The following LIFR variants were observed in gnomAD, a reference collection of about 807,000 sequenced individuals.
LIFR encodes LIF receptor subunit alpha, also known as leukemia inhibitory factor receptor.
A neutral mutation model predicts 122.2 loss-of-function variants in LIFR; 84 were observed. The ratio of observed to expected loss-of-function variants is 0.69; its 90% confidence interval spans 0.58 to 0.82. The LOEUF (loss-of-function observed/expected upper bound fraction) is 0.82, where lower values mean the gene tolerates loss of function less well. LIFR is among the 40% of genes least tolerant of loss of function. LIFR has a pLI of 0.00. For synonymous variants in LIFR, 422 were observed against 434.7 expected, an observed-to-expected ratio of 0.97 and a Z score of 0.36; for missense variants, 1,294 against 1,311.6, an observed-to-expected ratio of 0.99 and a Z score of 0.21.
intron 5 of LIFR, among the ~76,000 whole-genome samples, chr5:38,522,428 T>C (rs1011658395): frequency 6.6e-6 from 1 of 152,230 alleles, no homozygotes; most frequent in Non-Finnish European, 1.5e-5. Flanking sequence ...ATCTTGGTTC[T>C]TCTTTGTAGA....
chr5:38,545,130 C>T lies in LIFR; in HGVS notation c.-20+11204G>A, dbSNP rs541012065. ...ACTAAAAACACACAAATTAGCCGGG[C>T]GTGGTGGCGGACGCCTGTAGTCTCA... On this transcript the variant is annotated intron_variant, in intron 1 of 19. Coordinates refer to ENST00000453190, the MANE Select transcript of LIFR (RefSeq NM_001127671.2). Among the ~76,000 whole-genome samples the T allele has an allele frequency of 4.6e-5, 7 of 152,144 alleles. No homozygotes were observed. In the East Asian group the frequency reaches 7.8e-4, roughly 17 times the overall value.
intron 16 of LIFR, among the ~76,000 whole-genome samples, chr5:38,487,856 C>T (rs774814481): frequency 5.3e-5 from 8 of 152,186 alleles, no homozygotes; most frequent in Non-Finnish European, 1.2e-4. Context: ...GCCTCCAAGG[C>T]CTGGTCTGGC....
In LIFR at chr5:38,490,576, C is replaced by T. The variant is rs112459789; in HGVS notation, c.2066-285G>A. On this transcript the variant is annotated intron_variant, in intron 14 of 19. Coordinates refer to ENST00000453190, the MANE Select transcript of LIFR (RefSeq NM_001127671.2). ...TAAGGCTTACATTTTGTTCCTTTTT[C>T]CAGGAAGAAATCATCATTGCTTGAT... 430 of 183,626 alleles carry T rather than the reference C, an allele frequency of 2.3e-3. 2 individuals carry two copies. The highest frequency in any genetic ancestry group is 9.5e-3 in the African/African-American group (401 of 42,412). The allele number at this position is 183,626 out of a possible 1,614,324, so 11.4% of individuals were successfully genotyped here. A position where few individuals can be genotyped will look rare whatever the true frequency, so the allele number is the denominator to read the frequency against.
chr5:38,553,028 C>G (rs949330968), intron 1 of LIFR, among the ~76,000 whole-genome samples: 6 of 152,188 alleles, frequency 3.9e-5, no homozygotes, highest in Non-Finnish European at 8.8e-5. Context: ...GTAAACATTT[C>G]TTGACATGCA....
intron 9 of LIFR, among the ~76,000 whole-genome samples, chr5:38,504,858 T>C (rs1037416736): frequency 6.6e-6 from 1 of 152,210 alleles, no homozygotes; most frequent in South Asian, 2.1e-4. Flanking sequence ...AAGTGACTTA[T>C]GCTTACAAAT....
intron 1 of LIFR, among the ~76,000 whole-genome samples, chr5:38,554,699 T>A (rs551316372): frequency 6.6e-6 from 1 of 152,152 alleles, no homozygotes; most frequent in Admixed American, 6.5e-5. Context: ...TACATGAGCA[T>A]AGGCTATGTC....
Position 38,489,143 on chromosome 5 carries a change from C to CTT in LIFR, c.2268_2269dup (p.Arg757LysfsTer18). 6.2e-7 allele frequency: 1 copy of CTT among 1,612,888 alleles called. No individual in the cohort carries two copies. The highest frequency in any genetic ancestry group is 8.5e-7 in the Non-Finnish European group (1 of 1,179,082). On this transcript the variant is annotated frameshift_variant, in exon 16 of 20. Coordinates refer to ENST00000453190, the MANE Select transcript of LIFR (RefSeq NM_001127671.2). LOFTEE classifies it high-confidence loss of function. ...TTTTCCAAAGTAAAACAAATATCCT[C>CTT]TTAAAAAGCCTCTAAGTTCTTCCAC...
chr5:38,493,595 A>C lies in LIFR; in HGVS notation c.2065+11T>G. On this transcript the variant is annotated intron_variant, in intron 14 of 19. Transcript: ENST00000453190. ...TGTAGAACTTAATTGAGAGACACTA[A>C]TTCATCTTACCAGATTCTATTACAG... 6.2e-7 allele frequency: 1 copy of C among 1,611,810 alleles called. No individual in the cohort carries two copies. Among genetic ancestry groups the C allele is most frequent in the Non-Finnish European group, 8.5e-7 (1 of 1,177,862 alleles).
chr5:38,556,718 G>GC (rs1748586738), upstream of LIFR: 1 of 120,830 alleles, frequency 8.3e-6, no homozygotes, highest in Non-Finnish European at 1.8e-5. Flanking sequence ...CCCCTGACCC[G>GC]CCCCTGCCCC....
Position 38,578,308 on chromosome 5 carries a change from G to A in LIFR, c.-20+16953C>T, listed in dbSNP as rs143183585. ...CGCAACGTCTGCCTCCCGGTTTCAA[G>A]TGATTCCCCTGCCTCAGCCTCCTGA... is the stretch of plus-strand genomic sequence containing the variant. On this transcript the variant is annotated intron_variant, in intron 1 of 19. Transcript: ENST00000263409. Among the ~76,000 whole-genome samples, 988 of 145,698 alleles carry A rather than the reference G, an allele frequency of 6.8e-3. 14 individuals carry two copies. The highest frequency in any genetic ancestry group is 0.024 in the African/African-American group (949 of 40,016).
In LIFR at chr5:38,493,733, G is replaced by C. The variant is rs1448709150; in HGVS notation, c.1938C>G (p.Thr646=). Residue 646 remains threonine (T), a synonymous_variant, in exon 14 of 20, where the codon ACC becomes ACG. Coordinates refer to ENST00000453190, the MANE Select transcript of LIFR (RefSeq NM_001127671.2). ...VVGMGKGILL[T]WHYDPNMTCD... ...AAGTCATGTTGGGGTCGTAATGCCA[G>C]GTGAGGAGAATCCCCTTTCCCATCC... is the stretch of plus-strand genomic sequence containing the variant. 1 of 1,613,950 alleles carries C rather than the reference G, an allele frequency of 6.2e-7. No homozygotes were observed. Among genetic ancestry groups the C allele is most frequent in the Non-Finnish European group, 8.5e-7 (1 of 1,179,982 alleles).
At chr5:38,529,007 C>A (rs1463209083) in intron 2 of LIFR, among the ~76,000 whole-genome samples, 167 bp from the exon 3 acceptor site, 1 of 149,894 alleles carries the variant, frequency 6.7e-6, no homozygotes, top group Non-Finnish European at 1.5e-5. Flanking sequence ...AAGAGATGAT[C>A]CTGCAAGTCA....
At chr5:38,601,412 G>T (rs1750220229) in intron 2 of LIFR, among the ~76,000 whole-genome samples, 1 of 152,188 alleles carries the variant, frequency 6.6e-6, no homozygotes, top group South Asian at 2.1e-4. Flanking sequence ...GGGACAGTCA[G>T]CCAGGACACA....
At chr5:38,492,021 T>C (rs972256444) in intron 14 of LIFR, among the ~76,000 whole-genome samples, 9 of 151,546 alleles carry the variant, frequency 5.9e-5, no homozygotes, top group Non-Finnish European at 1.0e-4. Flanking sequence ...AAAAAGAGAG[T>C]GGACAGCTTA....
In LIFR at chr5:38,521,166, T is replaced by C. The variant is rs115686963; in HGVS notation, c.561+2253A>G. Among the ~76,000 whole-genome samples the C allele has an allele frequency of 2.6e-3, 402 of 152,288 alleles. 4 individuals carry two copies. The highest frequency in any genetic ancestry group is 9.2e-3 in the African/African-American group (384 of 41,558). On this transcript the variant is annotated intron_variant, in intron 5 of 19. Transcript: ENST00000453190. ...CCAACTACTTGGTTAAATTTATTCC[T>C]AGGTACTTTATTTTTCTGTAGCTAT...
chr5:38,495,730 T>A (rs1466317246), intron 13 of LIFR, among the ~76,000 whole-genome samples: 1 of 151,992 alleles, frequency 6.6e-6, no homozygotes, highest in African/African-American at 2.4e-5. Flanking sequence ...GAAGAAGAGG[T>A]GGAAGTGGCC....
intron 1 of LIFR, among the ~76,000 whole-genome samples, chr5:38,536,037 T>C (rs188873715): frequency 1.3e-5 from 2 of 152,338 alleles, no homozygotes; most frequent in African/African-American, 4.8e-5. Flanking sequence ...CATTTTTTTG[T>C]GTGACATCGT....
At chr5:38,531,099 T>C (rs559933888) in intron 1 of LIFR, among the ~76,000 whole-genome samples, 2 of 152,366 alleles carry the variant, frequency 1.3e-5, no homozygotes, top group Non-Finnish European at 2.9e-5. Context: ...CAAGTTATAT[T>C]AGTTTTGTCT....
At chr5:38,509,038 CA>C (rs1245258526) in intron 7 of LIFR, among the ~76,000 whole-genome samples, 3 of 152,314 alleles carry the variant, frequency 2.0e-5, no homozygotes, top group Admixed American at 6.5e-5. Flanking sequence ...TGCTGCTCAA[CA>C]AATATTGTAC....
Sources: gnomAD v4.1 joint callset for allele counts (sites outside exome capture counted in the v4.1 genomes callset) on GRCh38, gnomAD v4.1.1 for gene constraint, MANE v1.5 for transcripts, NCBI Gene and HGNC (gene_info 2026-07-23, HGNC 2026-07-21) for gene names.